SARS1: variants seen among roughly 807,000 people sequenced by gnomAD.
The protein encoded by SARS1 is serine--tRNA ligase, cytoplasmic.
A neutral mutation model predicts 63.7 loss-of-function variants in SARS1; 25 were observed. The observed-to-expected ratio is 0.39, with a 90% CI of 0.29 to 0.55. SARS1 has a LOEUF of 0.55. SARS1 is among the 20% of genes least tolerant of loss of function. The pLI is 0.62. For missense variants in SARS1, 417 were observed against 649.7 expected, an observed-to-expected ratio of 0.64 and a Z score of 3.89; for synonymous variants, 231 against 243.5, an observed-to-expected ratio of 0.95 and a Z score of 0.48.
chr1:109,217,181 A>G (rs548518128), intron 1 of SARS1: 429 of 965,674 alleles, frequency 4.4e-4, no homozygotes, highest in Non-Finnish European at 5.0e-4. Flanking sequence ...TTGACTTAGG[A>G]TGGGTTTATG....
intron 1 of SARS1, chr1:109,215,706 T>C: frequency 1.1e-6 from 1 of 931,666 alleles, no homozygotes; most frequent in Non-Finnish European, 1.3e-6. Context: ...TTTCTTTGTT[T>C]TGTTTTGTTT....
At position 109,229,675 on chromosome 1, in the gene SARS1, A is replaced by T. The variant is rs145338268; in HGVS notation, c.447+103A>T. The T allele has an allele frequency of 6.2e-4, 774 of 1,239,452 alleles. 9 individuals are homozygous for T. The African/African-American group carries it at 9.8e-3, about 16-fold the overall frequency. 76.8% of individuals were successfully genotyped at this position (1,239,452 alleles called of 1,614,324 possible). A position where few individuals can be genotyped will look rare whatever the true frequency, so the allele number is the denominator to read the frequency against. On this transcript the variant is annotated intron_variant, in intron 4 of 10. Transcript: ENST00000234677. ...TGGAACACTGGCATTGTCTGTCAGA[A>T]GCAGGTTCTTTGTATATTCCCTCTG... is the stretch of plus-strand genomic sequence containing the variant.
At chr1:109,234,758 G>A (rs561845605) in intron 6 of SARS1, among the ~76,000 whole-genome samples, 16 of 152,344 alleles carry the variant, frequency 1.1e-4, no homozygotes, top group African/African-American at 3.8e-4. Flanking sequence ...CTGAGGTCAG[G>A]AGTTCGAGAT....
intron 2 of SARS1, among the ~76,000 whole-genome samples, 199 bp from the exon 3 acceptor site, chr1:109,228,153 G>A (rs985211875): frequency 3.9e-5 from 6 of 152,326 alleles, no homozygotes; most frequent in Admixed American, 6.5e-5. Flanking sequence ...TTAAGTGGCA[G>A]CATAGGGAGG....
chr1:109,236,788 G>GT (rs767999086), intron 9 of SARS1: 1 of 1,580,966 alleles, frequency 6.3e-7, no homozygotes, highest in Admixed American at 1.8e-5. Flanking sequence ...TTCTGGCTTT[G>GT]TTTTTCTTAA....
upstream of SARS1, chr1:109,213,913 C>T (rs1390461839): frequency 6.8e-6 from 10 of 1,479,466 alleles, no homozygotes; most frequent in African/African-American, 1.4e-5. Context: ...GGTCAGCGCG[C>T]CGGCGCAGTG....
intron 2 of SARS1, among the ~76,000 whole-genome samples, chr1:109,225,386 T>G (rs1376037821): frequency 6.6e-6 from 1 of 152,198 alleles, no homozygotes; most frequent in Non-Finnish European, 1.5e-5. Flanking sequence ...TCTGTGGGAC[T>G]TAGTCATTCG....
rs1035764078 is a variant in SARS1 at position 109,214,338 on chromosome 1, C to G, written c.136+210C>G. ...CCTCCACCCGGGCGGAGCGAGGTCC[C>G]TTCCACGCGTGCTCAGTGCCGTTCG... On this transcript the variant is annotated intron_variant, in intron 1 of 10. Coordinates refer to ENST00000234677, the MANE Select transcript of SARS1 (RefSeq NM_006513.4). The surrounding 1 kb of genome is among the most constrained non-coding windows in gnomAD (Gnocchi z 4.6). Among the ~76,000 whole-genome samples, 1 of 152,240 alleles carries G rather than the reference C, an allele frequency of 6.6e-6. No individual in the cohort carries two copies. The highest frequency in any genetic ancestry group is 1.5e-5 in the Non-Finnish European group (1 of 68,044).
intron 2 of SARS1, among the ~76,000 whole-genome samples, chr1:109,225,161 C>A (rs7539716): frequency 0.41 from 62,012 of 151,926 alleles, 13,306 homozygotes; most frequent in East Asian, 0.55. Flanking sequence ...ATAACTTTTA[C>A]ATTGTAAACC....
intron 6 of SARS1, among the ~76,000 whole-genome samples, chr1:109,233,914 G>A (rs548378871): frequency 2.9e-4 from 36 of 122,412 alleles, no homozygotes; most frequent in African/African-American, 1.1e-3. Context: ...CTTTCACCCA[G>A]GCTAAAGTGA....
intron 6 of SARS1, among the ~76,000 whole-genome samples, chr1:109,234,283 CA>C (rs1655265688): frequency 6.6e-6 from 1 of 152,086 alleles, no homozygotes. Context: ...CTAGGCCTCC[CA>C]AAGTGCTGGG....
At chr1:109,229,026 C>T (rs1433429071) in intron 3 of SARS1, among the ~76,000 whole-genome samples, 1 of 152,160 alleles carries the variant, frequency 6.6e-6, no homozygotes, top group Non-Finnish European at 1.5e-5. Context: ...TTATAATCTT[C>T]CTAGAGAACA....
chr1:109,220,581 G>A (rs1273529711), intron 1 of SARS1, among the ~76,000 whole-genome samples: 1 of 152,168 alleles, frequency 6.6e-6, no homozygotes, highest in Admixed American at 6.5e-5. Flanking sequence ...GTGGTTTGTA[G>A]GAATTATTTA....
rs1238509091 is a variant in SARS1 at position 109,235,918 on chromosome 1, C to A, written c.970-59C>A. 2.0e-6 allele frequency: 3 copies of A among 1,494,946 alleles called. No homozygotes were observed. In the East Asian group the frequency reaches 6.9e-5, roughly 34 times the overall value. The allele number at this position is 1,494,946 out of a possible 1,614,324, so 92.6% of individuals were successfully genotyped here. A position where few individuals can be genotyped will look rare whatever the true frequency, so the allele number is the denominator to read the frequency against. ...GTCTTCATGGCAAGGATGTCTCCCA[C>A]TTCAGTCCTTTATTCACCCTATACC... On this transcript the variant is annotated intron_variant, in intron 7 of 10. Coordinates refer to ENST00000234677, the MANE Select transcript of SARS1 (RefSeq NM_006513.4). This position sits in a 1 kb window ranked among gnomAD's most constrained non-coding sequence, Gnocchi z 4.7.
intron 6 of SARS1, among the ~76,000 whole-genome samples, chr1:109,232,714 G>A (rs1459466151): frequency 6.6e-6 from 1 of 152,162 alleles, no homozygotes; most frequent in East Asian, 1.9e-4. Context: ...TTTAATGAAG[G>A]GAGGAATGTG....
intron 1 of SARS1, chr1:109,216,999 G>A: frequency 1.0e-6 from 1 of 985,402 alleles, no homozygotes; most frequent in Non-Finnish European, 1.2e-6. Flanking sequence ...CCCAGCAACT[G>A]GAATAGCTTT....
At position 109,235,166 on chromosome 1, in the gene SARS1, C is replaced by T. The variant is rs201389158; in HGVS notation, c.748-44C>T. The T allele has an allele frequency of 4.1e-6, 6 of 1,476,586 alleles. No individual in the cohort carries two copies. Among genetic ancestry groups the T allele is most frequent in the Non-Finnish European group, 5.7e-6 (6 of 1,055,314 alleles). The allele number at this position is 1,476,586 out of a possible 1,614,324, so 91.5% of individuals were successfully genotyped here. On this transcript the variant is annotated intron_variant, in intron 6 of 10. Transcript: ENST00000234677. The surrounding 1 kb of genome is among the most constrained non-coding windows in gnomAD (Gnocchi z 4.7). ...TGTGGTTTCTTATTCTAGCCAAGGTCCTCCCCACTTCCTCTTAACTGGTAT... is the reference window on the plus strand; with the variant it reads ...TGTGGTTTCTTATTCTAGCCAAGGTTCTCCCCACTTCCTCTTAACTGGTAT...
At chr1:109,219,278 T>TATATATATATATATAC (rs1437145924) in intron 1 of SARS1, among the ~76,000 whole-genome samples, 1 of 61,024 alleles carries the variant, frequency 1.6e-5, no homozygotes, top group African/African-American at 6.3e-5. Context: ...TATATATATA[T>TATATATATATATATAC]ATATATATAT....
chr1:109,219,203 T>C (rs1654864151), intron 1 of SARS1, among the ~76,000 whole-genome samples: 1 of 134,984 alleles, frequency 7.4e-6, no homozygotes, highest in Admixed American at 7.8e-5. Context: ...GAGGCGGAGC[T>C]TGCAGTGAGC....
Sources: allele counts gnomAD v4.1 joint callset (sites outside exome capture counted in the v4.1 genomes callset), GRCh38; gene constraint gnomAD v4.1.1; non-coding constraint Gnocchi (gnomAD v3.1); transcripts MANE v1.5; gene names NCBI Gene and HGNC (gene_info 2026-07-23, HGNC 2026-07-21).